Variants in DSTYK observed in about 807,000 individuals in gnomAD.
DSTYK encodes RIP-homologous kinase.
A neutral mutation model predicts 98.7 loss-of-function variants in DSTYK; 34 were observed. That is an observed-to-expected ratio of 0.34 (90% CI 0.26 to 0.46). DSTYK has a LOEUF of 0.46. Ranked by LOEUF, DSTYK falls within the 20% of genes least tolerant of loss-of-function variation. The pLI is 1.00. For missense variants in DSTYK, 962 were observed against 1,181.7 expected (o/e 0.81, Z 2.73); for synonymous variants, 462 against 457.3 (o/e 1.01, Z -0.13).
intron 1 of DSTYK, 71 bp from the exon 2 acceptor site, chr1:205,187,877 G>C (rs946645698): frequency 9.5e-6 from 13 of 1,368,196 alleles, no homozygotes; most frequent in Non-Finnish European, 1.2e-5. Context: ...GGGAGAGAGA[G>C]AGACTCACGC....
At chr1:205,209,589 T>C (rs1659307246) in intron 1 of DSTYK, among the ~76,000 whole-genome samples, 1 of 151,960 alleles carries the variant, frequency 6.6e-6, no homozygotes, top group African/African-American at 2.4e-5. Flanking sequence ...GATAGGAATT[T>C]AAAAAGCCTT....
At chr1:205,161,098 A>G (rs1657706115) in intron 7 of DSTYK, among the ~76,000 whole-genome samples, 160 bp downstream of exon 7, 1 of 152,174 alleles carries the variant, frequency 6.6e-6, no homozygotes, top group Non-Finnish European at 1.5e-5. Flanking sequence ...GAACTATATA[A>G]ATAGCAGGAA....
intron 2 of DSTYK, among the ~76,000 whole-genome samples, chr1:205,174,782 A>G (rs550656747): frequency 3.8e-4 from 51 of 132,560 alleles, no homozygotes; most frequent in Middle Eastern, 0.01. Flanking sequence ...CTTGTTGCCC[A>G]GGCTGGAGTG....
intron 2 of DSTYK, among the ~76,000 whole-genome samples, chr1:205,180,930 A>G (rs150886455): frequency 1.6e-3 from 238 of 152,322 alleles, no homozygotes; most frequent in African/African-American, 5.4e-3. Flanking sequence ...AGATTTTACT[A>G]TGTATGCTAG....
At chr1:205,153,867 CTT>C (rs771169377) in intron 10 of DSTYK, among the ~76,000 whole-genome samples, 14 of 132,620 alleles carry the variant, frequency 1.1e-4, no homozygotes, top group Admixed American at 1.5e-4. Flanking sequence ...GCCTGGCTAA[CTT>C]TTTTTTTTTT....
intron 1 of DSTYK, chr1:205,202,564 C>A (rs1036778370): frequency 1.6e-5 from 15 of 961,364 alleles, no homozygotes; most frequent in Non-Finnish European, 2.5e-5. Flanking sequence ...ACCTAAGATG[C>A]GCCGCTGGAC....
At position 205,159,628 on chromosome 1, in the gene DSTYK, G is replaced by A; in HGVS notation, c.2157C>T (p.Asp719=). 6.2e-7 allele frequency: 1 copy of A among 1,613,854 alleles called. No homozygotes were observed. The change falls in exon 9 of 13, where the codon GAC becomes GAT. Residue 719 remains aspartate, a synonymous_variant. Transcript: ENST00000367162. ...RLVDLHGSVI[D]YNYGGGSSIA... ...TGCTGGAGCCACCACCATAGTTGTA[G>A]TCAATGACTGAACCATGGAGATCCA...
chr1:205,156,535 T>C (rs1358486777), intron 10 of DSTYK, among the ~76,000 whole-genome samples: 1 of 152,230 alleles, frequency 6.6e-6, no homozygotes, highest in Non-Finnish European at 1.5e-5. Context: ...GTAGCACCTT[T>C]GTTTTGGCCA....
intron 1 of DSTYK, among the ~76,000 whole-genome samples, chr1:205,205,802 C>T (rs1294571230): frequency 6.6e-6 from 1 of 151,992 alleles, no homozygotes; most frequent in South Asian, 2.1e-4. Flanking sequence ...TAAATGCTGG[C>T]ACATTTAAAA....
chr1:205,200,106 G>A (rs1230123743), intron 1 of DSTYK, among the ~76,000 whole-genome samples: 2 of 151,958 alleles, frequency 1.3e-5, no homozygotes, highest in East Asian at 3.9e-4. Context: ...GTGCAATCTC[G>A]GCTGGTTGCA....
At chr1:205,175,816 C>T (rs1247970347) in intron 2 of DSTYK, among the ~76,000 whole-genome samples, 2 of 152,136 alleles carry the variant, frequency 1.3e-5, no homozygotes, top group Non-Finnish European at 2.9e-5. Flanking sequence ...TAGAACAGTG[C>T]CTGGCACTTA....
At chr1:205,195,472 G>A (rs1466781237) in intron 1 of DSTYK, among the ~76,000 whole-genome samples, 2 of 152,118 alleles carry the variant, frequency 1.3e-5, no homozygotes, top group African/African-American at 2.4e-5. Context: ...CAAGCTCTCT[G>A]ACCTTCAGCT....
rs1657147366 is a variant in DSTYK, at chr1:205,144,009, A to C, written c.*3549T>G. ...GAAGCGCTTGCTCAGTCAATGAGCT[A>C]CTCTTTGCAGAGGATCAGGGAACTA... On this transcript the variant is annotated 3_prime_UTR_variant, in exon 13 of 13. Coordinates refer to ENST00000367162, the MANE Select transcript of DSTYK (RefSeq NM_015375.3). The C allele has an allele frequency of 1.3e-5, 2 of 152,458 alleles. No homozygotes were observed. The highest frequency in any genetic ancestry group is 4.1e-4 in the South Asian group (2 of 4,826). 9.4% of individuals were successfully genotyped at this position (152,458 alleles called of 1,614,324 possible).
chr1:205,187,902 G>A, intron 1 of DSTYK, 96 bp from the exon 2 acceptor site: 1 of 1,241,630 alleles, frequency 8.1e-7, no homozygotes, highest in African/African-American at 1.5e-5. Context: ...ATCCCATGAG[G>A]AAGACAAGGT....
chr1:205,185,342 C>G (rs1658531105), intron 2 of DSTYK, among the ~76,000 whole-genome samples: 1 of 152,134 alleles, frequency 6.6e-6, no homozygotes, highest in Middle Eastern at 3.2e-3. Context: ...AAAATCACCA[C>G]CTGACTCACA....
chr1:205,182,766 A>G (rs1008753533), intron 2 of DSTYK, among the ~76,000 whole-genome samples: 1 of 151,418 alleles, frequency 6.6e-6, no homozygotes, highest in African/African-American at 2.4e-5. Context: ...AGATTGCGTC[A>G]TTGCATTCCA....
Position 205,163,008 on chromosome 1 carries a change from T to C in DSTYK, c.1558-2A>G. On this transcript the variant is annotated splice_acceptor_variant, in intron 4 of 12. Coordinates refer to ENST00000367162, the MANE Select transcript of DSTYK (RefSeq NM_015375.3). LOFTEE classifies it high-confidence loss of function. ...AACATGATAGGCAGCATTTAAGATC[T>C]GAAAGAGACAACGCCAAAGAAAACA... 1 of 1,613,522 alleles carries C rather than the reference T, an allele frequency of 6.2e-7. No homozygotes were observed. Among genetic ancestry groups the C allele is most frequent in the South Asian group, 1.1e-5 (1 of 91,064 alleles).
intron 1 of DSTYK, among the ~76,000 whole-genome samples, chr1:205,190,634 A>AC (rs1042037923): frequency 6.6e-6 from 1 of 151,036 alleles, no homozygotes. Context: ...AAAAAAAAAA[A>AC]AAACCCAAGA....
At position 205,199,821 on chromosome 1, in the gene DSTYK, A is replaced by G. The variant is rs141973913; in HGVS notation, c.265+11450T>C. On this transcript the variant is annotated intron_variant, in intron 1 of 12. Transcript: ENST00000367162. ...CAAATTAACCTTAGGTTTTACAACC[A>G]TAACCAAAAAAACCACATCCACCCA... 5.2e-4 allele frequency among the ~76,000 whole-genome samples: 79 copies of G among 152,340 alleles called. 2 individuals carry two copies. The East Asian group carries it at 0.012, about 23-fold the overall frequency.
Sources: gnomAD v4.1 joint callset for allele counts (sites outside exome capture counted in the v4.1 genomes callset) on GRCh38, gnomAD v4.1.1 for gene constraint, MANE v1.5 for transcripts, NCBI Gene and HGNC (gene_info 2026-07-23, HGNC 2026-07-21) for gene names.